SPARCL1: variants seen among roughly 807,000 people sequenced by gnomAD.
SPARCL1 encodes SPARC-like protein 1.
A neutral mutation model predicts 67.1 loss-of-function variants in SPARCL1; 52 were observed. That is an observed-to-expected ratio of 0.78 (90% CI 0.62 to 0.98). The LOEUF (loss-of-function observed/expected upper bound fraction) is 0.98, where lower values mean the gene tolerates loss of function less well. Ranked by LOEUF, SPARCL1 falls within the 50% of genes least tolerant of loss-of-function variation. The pLI, the probability that SPARCL1 is intolerant of heterozygous loss-of-function variation, is 0.00. For synonymous variants in SPARCL1, 226 were observed against 267.8 expected (o/e 0.84, Z 1.52); for missense variants, 717 against 782.4 (o/e 0.92, Z 1.00).
intron 4 of SPARCL1, 122 bp downstream of exon 4, chr4:87,493,460 T>A: frequency 1.2e-6 from 1 of 800,252 alleles, no homozygotes; most frequent in Non-Finnish European, 1.9e-6. Context: ...ATAACTGTAA[T>A]ATATTTTAGT....
In SPARCL1 at chr4:87,499,498, A is replaced by G. The variant is rs149167946; in HGVS notation, c.54+23T>C. Reference sequence around the variant, plus strand: ...TTAAATGTCAGGAGAAAGAGATGTAATAACAGAAGAAAGGAAATTTACCGG... The same window carrying G: ...TTAAATGTCAGGAGAAAGAGATGTAGTAACAGAAGAAAGGAAATTTACCGG... On this transcript the variant is annotated intron_variant, in intron 2 of 10. Coordinates refer to ENST00000282470, the MANE Select transcript of SPARCL1 (RefSeq NM_004684.6). The G allele has an allele frequency of 2.7e-5, 43 of 1,590,356 alleles. No individual in the cohort carries two copies. In the African/African-American group the frequency reaches 5.7e-4, roughly 21 times the overall value.
At chr4:87,477,802 G>A in intron 10 of SPARCL1, among the ~76,000 whole-genome samples, 1 of 152,302 alleles carries the variant, frequency 6.6e-6, no homozygotes, top group Middle Eastern at 3.4e-3. Context: ...TGAGATTCCT[G>A]ACCCTTGGAA....
rs761469653 is a variant in SPARCL1 at position 87,480,425 on chromosome 4, A to G, written c.1764T>C (p.Tyr588=). The stretch of plus-strand genomic sequence containing the variant: ...TAAACTGCCAGTGCACAGGATACAC[A>G]TACATGTGGTAGTTTTTCTTAAAGT... ...LRDFKKNYHM[Y]VYPVHWQFSE... is the part of the protein sequence containing the mutation. The change falls in exon 9 of 11, where the codon TAT becomes TAC. Residue 588 remains tyrosine (Y), a synonymous_variant. Transcript: ENST00000282470. 3.3e-5 allele frequency: 53 copies of G among 1,613,374 alleles called. No individual in the cohort carries two copies. The highest frequency in any genetic ancestry group is 5.0e-5 in the Admixed American group (3 of 59,962).
chr4:87,522,661 ACACACACACACACACACACACG>A (rs1327186762), intron 1 of SPARCL1, among the ~76,000 whole-genome samples: 2 of 150,286 alleles, frequency 1.3e-5, no homozygotes, highest in Non-Finnish European at 3.0e-5. Context: ...ACACACACAC[ACACACACACACACACACACACG>A]CACACACACA....
intron 7 of SPARCL1, among the ~76,000 whole-genome samples, chr4:87,486,490 G>A (rs1724063767): frequency 6.6e-6 from 1 of 152,108 alleles, no homozygotes; most frequent in Non-Finnish European, 1.5e-5. Flanking sequence ...ATTATTTGGT[G>A]AATTTTAGAA....
rs576417294 is a variant in SPARCL1 at position 87,477,802 on chromosome 4, G to T, written c.1966+1628C>A. 8.5e-5 allele frequency among the ~76,000 whole-genome samples: 13 copies of T among 152,302 alleles called. No individual in the cohort carries two copies. The South Asian group carries it at 2.7e-3, about 32-fold the overall frequency. On this transcript the variant is annotated intron_variant, in intron 10 of 10. Coordinates refer to ENST00000282470, the MANE Select transcript of SPARCL1 (RefSeq NM_004684.6). ...CCAGGTTAGTTACTGTGAGATTCCTGACCCTTGGAAACCGTGAGAAAGAAT... is the reference window on the plus strand; with the variant it reads ...CCAGGTTAGTTACTGTGAGATTCCTTACCCTTGGAAACCGTGAGAAAGAAT...
intron 1 of SPARCL1, among the ~76,000 whole-genome samples, chr4:87,509,793 G>A (rs754710712): frequency 6.6e-6 from 1 of 152,236 alleles, no homozygotes; most frequent in Non-Finnish European, 1.5e-5. Flanking sequence ...GTGCACGCAT[G>A]TGTGTATGTC....
At chr4:87,480,543 C>G (rs1446597027) in intron 8 of SPARCL1, 23 bp from the exon 9 acceptor site, 1 of 1,596,710 alleles carries the variant, frequency 6.3e-7, no homozygotes, top group Non-Finnish European at 8.5e-7. Context: ...AGGCAGAAGA[C>G]TGTCAGAGAA....
chr4:87,514,756 G>A (rs898999034), intron 1 of SPARCL1, among the ~76,000 whole-genome samples: 2 of 152,142 alleles, frequency 1.3e-5, no homozygotes, highest in African/African-American at 4.8e-5. Context: ...TTTAAGAACT[G>A]AGCAAATGTG....
rs753599334 is a variant in SPARCL1 at position 87,482,573 on chromosome 4, G to C, written c.1532-13C>G. ...CAAGTAGGAATAGCTGTTACAAGCA[G>C]AAAATGTACTGTAATCTTTGGGCTT... On this transcript the variant is annotated splice_polypyrimidine_tract_variant and intron_variant, in intron 7 of 10. Transcript: ENST00000282470. 1.9e-6 allele frequency: 3 copies of C among 1,613,724 alleles called. No homozygotes were observed. The highest frequency in any genetic ancestry group is 1.7e-6 in the Non-Finnish European group (2 of 1,179,752).
rs1723874435 is a variant in SPARCL1 at position 87,482,582 on chromosome 4, C to T, written c.1532-22G>A. On this transcript the variant is annotated intron_variant, in intron 7 of 10. Coordinates refer to ENST00000282470, the MANE Select transcript of SPARCL1 (RefSeq NM_004684.6). ...ATAGCTGTTACAAGCAGAAAATGTACTGTAATCTTTGGGCTTATTTGTGTC... is the reference window on the plus strand; with the variant it reads ...ATAGCTGTTACAAGCAGAAAATGTATTGTAATCTTTGGGCTTATTTGTGTC... The T allele has an allele frequency of 2.5e-6, 4 of 1,613,400 alleles. No individual in the cohort carries two copies. In the East Asian group the frequency reaches 8.9e-5, roughly 36 times the overall value.
chr4:87,480,613 C>T, intron 8 of SPARCL1, 93 bp from the exon 9 acceptor site: 2 of 1,215,672 alleles, frequency 1.6e-6, no homozygotes, highest in Non-Finnish European at 2.3e-6. Flanking sequence ...GTGACAGTAA[C>T]ACGATAGGGG....
At chr4:87,516,048 A>G (rs1725568683) in intron 1 of SPARCL1, among the ~76,000 whole-genome samples, 1 of 152,220 alleles carries the variant, frequency 6.6e-6, no homozygotes, top group Admixed American at 6.5e-5. Context: ...TTCTGAGGCT[A>G]GGTCATAAGA....
At chr4:87,524,039 T>C (rs941477916) in intron 1 of SPARCL1, among the ~76,000 whole-genome samples, 1 of 152,260 alleles carries the variant, frequency 6.6e-6, no homozygotes, top group Non-Finnish European at 1.5e-5. Context: ...GATAGAACAC[T>C]GAATACATTA....
chr4:87,478,439 A>AT (rs71897053), intron 10 of SPARCL1, among the ~76,000 whole-genome samples: 341 of 138,812 alleles, frequency 2.5e-3, no homozygotes, highest in African/African-American at 4.8e-3. Context: ...AACATCTTTC[A>AT]TTTTTTTTTT....
chr4:87,479,716 A>G, intron 9 of SPARCL1, 138 bp from the exon 10 acceptor site: 2 of 757,746 alleles, frequency 2.6e-6, no homozygotes, highest in Admixed American at 3.0e-5. Context: ...AAAACTGCCA[A>G]CGAAATAAAG....
intron 1 of SPARCL1, among the ~76,000 whole-genome samples, chr4:87,519,594 ATTAGT>A (rs1725722381): frequency 2.0e-5 from 3 of 152,126 alleles, no homozygotes; most frequent in African/African-American, 7.2e-5. Flanking sequence ...CTAAGAACCT[ATTAGT>A]TGACTGCATG....
Position 87,499,594 on chromosome 4 carries a change from C to T in SPARCL1, c.-11-9G>A. ...CTTCATGCTTTCCAGATCTGTGAAC[C>T]AAGAAGATAATTATCAGTGGCAGGG... On this transcript the variant is annotated splice_polypyrimidine_tract_variant and intron_variant, in intron 1 of 10. Coordinates refer to ENST00000282470, the MANE Select transcript of SPARCL1 (RefSeq NM_004684.6). 2 of 1,579,884 alleles carry T rather than the reference C, an allele frequency of 1.3e-6. No homozygotes were observed. Among genetic ancestry groups the T allele is most frequent in the Non-Finnish European group, 1.7e-6 (2 of 1,169,292 alleles).
At chr4:87,524,550 C>T (rs577663758) in intron 1 of SPARCL1, among the ~76,000 whole-genome samples, 90 of 152,236 alleles carry the variant, frequency 5.9e-4, no homozygotes, top group Non-Finnish European at 8.2e-4. Flanking sequence ...GATGCCTGAC[C>T]GCTTATTCAC....
Sources: gnomAD v4.1 joint callset for allele counts (sites outside exome capture counted in the v4.1 genomes callset) on GRCh38, gnomAD v4.1.1 for gene constraint, MANE v1.5 for transcripts, NCBI Gene and HGNC (gene_info 2026-07-23, HGNC 2026-07-21) for gene names.